The following NEK6 variants were observed in gnomAD, a reference collection of about 807,000 sequenced individuals.
NEK6 encodes serine/threonine-protein kinase Nek6.
A neutral mutation model predicts 43.5 loss-of-function variants in NEK6; 27 were observed. That is an observed-to-expected ratio of 0.62 (90% confidence interval 0.46 to 0.86). NEK6 has a LOEUF of 0.86. NEK6 is among the 40% of genes least tolerant of loss of function. The probability of loss-of-function intolerance (pLI) is 0.00; values close to 1 mark genes in which losing one functional copy is unlikely to be tolerated. For missense variants in NEK6, 318 were observed against 414.4 expected (o/e 0.77, Z 2.02); for synonymous variants, 167 against 164.1 (o/e 1.02, Z -0.14).
chr9:124,264,239 C>G (rs535800573), intron 1 of NEK6, among the ~76,000 whole-genome samples: 1 of 152,346 alleles, frequency 6.6e-6, no homozygotes, highest in East Asian at 1.9e-4. Flanking sequence ...TCTGGGGCGG[C>G]TTCTCTGCCA....
At chr9:124,333,465 A>G (rs970120315) in intron 7 of NEK6, among the ~76,000 whole-genome samples, 3 of 152,294 alleles carry the variant, frequency 2.0e-5, no homozygotes, top group Non-Finnish European at 4.4e-5. Context: ...CAGGGACCTG[A>G]GGACCCTGTG....
At position 124,275,279 on chromosome 9, in the gene NEK6, T is replaced by C. The variant is rs1236510415; in HGVS notation, c.-30+17194T>C. Among the ~76,000 whole-genome samples, 2 of 152,246 alleles carry C rather than the reference T, an allele frequency of 1.3e-5. No individual in the cohort carries two copies. Among genetic ancestry groups the C allele is most frequent in the African/African-American group, 4.8e-5 (2 of 41,466 alleles). Reference sequence around the variant, plus strand: ...TGCCCACTTATTTAAACCAGGGCCATTTCATCCACGTCACTAACTTGCCGG... The same window carrying C: ...TGCCCACTTATTTAAACCAGGGCCACTTCATCCACGTCACTAACTTGCCGG... On this transcript the variant is annotated intron_variant, in intron 1 of 9. Coordinates refer to ENST00000320246, the MANE Select transcript of NEK6 (RefSeq NM_014397.6). This position sits in a 1 kb window ranked among gnomAD's most constrained non-coding sequence, Gnocchi z 4.4.
chr9:124,292,238 T>C, intron 1 of NEK6: 1 of 1,259,544 alleles, frequency 7.9e-7, no homozygotes, highest in Non-Finnish European at 1.0e-6. Context: ...CACCGCTGGC[T>C]CAGCCACCTG....
rs368488164 is a variant in NEK6 at position 124,334,138 on chromosome 9, A to G, written c.623-5433A>G. 5.9e-5 allele frequency among the ~76,000 whole-genome samples: 9 copies of G among 152,320 alleles called. No homozygotes were observed. In the East Asian group the frequency reaches 1.7e-3, roughly 29 times the overall value. ...TTCTGAATACTTCCTGGGACAGGCA[A>G]CTAACTCCCTGCCTCCTGATGGGCC... On this transcript the variant is annotated intron_variant, in intron 7 of 9. Coordinates refer to ENST00000320246, the MANE Select transcript of NEK6 (RefSeq NM_014397.6).
chr9:124,321,306 C>A (rs989184086), intron 4 of NEK6, among the ~76,000 whole-genome samples, 153 bp from the exon 5 acceptor site: 1 of 152,220 alleles, frequency 6.6e-6, no homozygotes, highest in Admixed American at 6.5e-5. Context: ...TTCCTGACTC[C>A]CCAGCACAGG....
At chr9:124,303,695 T>C (rs1319826089) in intron 2 of NEK6, among the ~76,000 whole-genome samples, 2 of 152,194 alleles carry the variant, frequency 1.3e-5, no homozygotes, top group Non-Finnish European at 2.9e-5. Flanking sequence ...AGGTAGAATT[T>C]GGGGAGGCAG....
At chr9:124,335,067 C>G (rs1780612376) in intron 7 of NEK6, among the ~76,000 whole-genome samples, 1 of 152,206 alleles carries the variant, frequency 6.6e-6, no homozygotes, top group African/African-American at 2.4e-5. Context: ...CATCTGTCCC[C>G]TGCCATCTCT....
intron 1 of NEK6, among the ~76,000 whole-genome samples, chr9:124,283,019 C>T (rs1305797706): frequency 6.6e-6 from 1 of 152,216 alleles, no homozygotes; most frequent in Non-Finnish European, 1.5e-5. Flanking sequence ...CTCCCCTGTT[C>T]CCCCAGAGGC....
intron 1 of NEK6, among the ~76,000 whole-genome samples, chr9:124,278,163 G>A (rs1588448840): frequency 6.6e-6 from 1 of 152,208 alleles, no homozygotes; most frequent in African/African-American, 2.4e-5. Flanking sequence ...GGACCATGCG[G>A]TACAGGTGTG....
At chr9:124,327,475 C>T in intron 7 of NEK6, 30 bp downstream of exon 7, 6 of 1,548,560 alleles carry the variant, frequency 3.9e-6, no homozygotes, top group Non-Finnish European at 4.4e-6. Context: ...GCCCCAGCAG[C>T]CCCCAGCGGT....
chr9:124,282,495 G>A (rs1385808714), intron 1 of NEK6, among the ~76,000 whole-genome samples: 1 of 152,226 alleles, frequency 6.6e-6, no homozygotes, highest in Non-Finnish European at 1.5e-5. Flanking sequence ...ACATTACTCT[G>A]GGGGCGTAAG....
At chr9:124,312,418 G>A in intron 2 of NEK6, 91 bp from the exon 3 acceptor site, 1 of 1,391,892 alleles carries the variant, frequency 7.2e-7, no homozygotes, top group Non-Finnish European at 9.7e-7. Context: ...CACCTTAGAG[G>A]GTGCTGTTGG....
chr9:124,288,571 A>G (rs1469550274), intron 1 of NEK6, among the ~76,000 whole-genome samples: 1 of 152,116 alleles, frequency 6.6e-6, no homozygotes, highest in African/African-American at 2.4e-5. Context: ...GGCGTGAGCC[A>G]CCCTGCTCGG....
At chr9:124,335,965 C>T (rs926665386) in intron 7 of NEK6, among the ~76,000 whole-genome samples, 4 of 151,984 alleles carry the variant, frequency 2.6e-5, no homozygotes, top group South Asian at 2.1e-4. Flanking sequence ...TTAGGCGGGG[C>T]GTGGTGGCTC....
At chr9:124,342,137 G>A (rs888174671) in intron 8 of NEK6, among the ~76,000 whole-genome samples, 10 of 152,200 alleles carry the variant, frequency 6.6e-5, no homozygotes, top group African/African-American at 2.4e-4. Flanking sequence ...TAACCCGGCT[G>A]TCCCTGGGCT....
At chr9:124,325,091 C>T (rs1241155332) in intron 5 of NEK6, among the ~76,000 whole-genome samples, 3 of 152,062 alleles carry the variant, frequency 2.0e-5, no homozygotes, top group African/African-American at 4.8e-5. Flanking sequence ...AGGAGAATTG[C>T]TTGAACCCAG....
chr9:124,342,823 AACAC>A (rs752799757), intron 8 of NEK6, among the ~76,000 whole-genome samples: 4 of 138,644 alleles, frequency 2.9e-5, no homozygotes, highest in African/African-American at 1.0e-4. Context: ...TCCACACATA[AACAC>A]ACACACAGCA....
intron 1 of NEK6, among the ~76,000 whole-genome samples, chr9:124,289,454 G>A (rs1032834706): frequency 6.6e-6 from 1 of 152,050 alleles, no homozygotes; most frequent in South Asian, 2.1e-4. Flanking sequence ...ATCTGGCCCA[G>A]CACCCGACAC....
chr9:124,340,251 C>T (rs899381712), intron 8 of NEK6, among the ~76,000 whole-genome samples: 3 of 151,894 alleles, frequency 2.0e-5, no homozygotes, highest in Admixed American at 6.6e-5. Context: ...TGAGCCCAGA[C>T]GTGAGACAAT....
Sources: gnomAD v4.1 joint callset for allele counts (sites outside exome capture counted in the v4.1 genomes callset) on GRCh38, gnomAD v4.1.1 for gene constraint, Gnocchi (gnomAD v3.1) non-coding constraint, MANE v1.5 for transcripts, NCBI Gene and HGNC (gene_info 2026-07-23, HGNC 2026-07-21) for gene names.